ST3GAL4: variants seen among roughly 807,000 people sequenced by gnomAD.
ST3GAL4 encodes the protein ST3 beta-galactoside alpha-2,3-sialyltransferase 4, also known as CMP-N-acetylneuraminate-beta-galactosamide-alpha-2,3-sialyltransferase 4.
A neutral mutation model predicts 42.6 loss-of-function variants in ST3GAL4; 24 were observed. The ratio of observed to expected loss-of-function variants is 0.56; its 90% CI spans 0.41 to 0.79. The LOEUF is 0.79. Among genes scored for constraint, ST3GAL4 ranks in the 30% least tolerant of loss-of-function variants. The pLI, the probability that ST3GAL4 is intolerant of heterozygous loss-of-function variation, is 0.00. For synonymous variants in ST3GAL4, 135 were observed against 163.2 expected (o/e 0.83, Z 1.32); for missense variants, 311 against 430.8 (o/e 0.72, Z 2.46).
chr11:126,375,956 G>A (rs1952821466), intron 1 of ST3GAL4, among the ~76,000 whole-genome samples: 2 of 141,876 alleles, frequency 1.4e-5, no homozygotes, highest in Non-Finnish European at 1.5e-5. Context: ...TGTTTCAGTT[G>A]TTAATTCGCC....
chr11:126,407,140 G>A lies in ST3GAL4; in HGVS notation c.183-112G>A. ...CTGTGTTGGTGGACATGGGTTAGGTGAAGCCAGGGAGGGAAGAGAAGGCCT... is the reference window on the plus strand; with the variant it reads ...CTGTGTTGGTGGACATGGGTTAGGTAAAGCCAGGGAGGGAAGAGAAGGCCT... On this transcript the variant is annotated intron_variant, in intron 4 of 10. Coordinates refer to ENST00000444328, the MANE Select transcript of ST3GAL4 (RefSeq NM_001254757.2). 3 of 1,475,986 alleles carry A rather than the reference G, an allele frequency of 2.0e-6. No homozygotes were observed. In the South Asian group the frequency reaches 3.4e-5, roughly 17 times the overall value. The allele number at this position is 1,475,986 out of a possible 1,614,324, so 91.4% of individuals were successfully genotyped here.
Position 126,411,673 on chromosome 11 carries a change from T to C in ST3GAL4, c.772-1832T>C, listed in dbSNP as rs1373489255. On this transcript the variant is annotated intron_variant, in intron 9 of 10. Coordinates refer to ENST00000444328, the MANE Select transcript of ST3GAL4 (RefSeq NM_001254757.2). This position sits in a 1 kb window ranked among gnomAD's most constrained non-coding sequence, Gnocchi z 6.3. ...GGTTGAAATAATTCGGTTCCTGCGA[T>C]TGTAGAACTGAGGTCCCCATTTCCT... Among the ~76,000 whole-genome samples the C allele has an allele frequency of 6.6e-6, 1 of 152,190 alleles. No homozygotes were observed. The highest frequency in any genetic ancestry group is 2.4e-5 in the African/African-American group (1 of 41,442).
rs777477961 is a variant in ST3GAL4, at chr11:126,391,965, GTGTGTGTA to G, written c.-60-14123_-60-14116del. The stretch of plus-strand genomic sequence containing the variant: ...TGTGTGTGTGTGTGTGTGTGTGTGT[GTGTGTGTA>G]TGTGTGTGTATGTGTATATATAAAA... On this transcript the variant is annotated intron_variant, in intron 1 of 10. Coordinates refer to ENST00000444328, the MANE Select transcript of ST3GAL4 (RefSeq NM_001254757.2). This position sits in a 1 kb window ranked among gnomAD's most constrained non-coding sequence, Gnocchi z 5.5. 5.6e-3 allele frequency among the ~76,000 whole-genome samples: 849 copies of G among 150,466 alleles called. 6 individuals are homozygous for G. The highest frequency in any genetic ancestry group is 6.8e-3 in the Middle Eastern group (2 of 294).
chr11:126,407,168 T>C, intron 4 of ST3GAL4, 84 bp from the exon 5 acceptor site: 1 of 1,516,118 alleles, frequency 6.6e-7, no homozygotes, highest in South Asian at 1.1e-5. Flanking sequence ...GAAGGCCTTA[T>C]AATATTAGTC....
intron 1 of ST3GAL4, among the ~76,000 whole-genome samples, chr11:126,365,473 T>A (rs1952391267): frequency 1.3e-5 from 2 of 152,138 alleles, no homozygotes; most frequent in Non-Finnish European, 2.9e-5. Context: ...GTTGATTTAG[T>A]GTCTCTGCCC....
rs538577083 is a variant in ST3GAL4, at chr11:126,411,979, G to A, written c.772-1526G>A. 1.4e-3 allele frequency among the ~76,000 whole-genome samples: 220 copies of A among 152,274 alleles called. No homozygotes were observed. Among genetic ancestry groups the A allele is most frequent in the Non-Finnish European group, 2.6e-3 (180 of 68,026 alleles). On this transcript the variant is annotated intron_variant, in intron 9 of 10. Transcript: ENST00000444328. This position sits in a 1 kb window ranked among gnomAD's most constrained non-coding sequence, Gnocchi z 6.3. ...TCACGGGCTCCCCACACGCGCAAGGGAGGAGATTACATGAGGGTTAGCGTC... is the reference window on the plus strand; with the variant it reads ...TCACGGGCTCCCCACACGCGCAAGGAAGGAGATTACATGAGGGTTAGCGTC...
In ST3GAL4 at chr11:126,406,903, C is replaced by G. The variant is rs374284472; in HGVS notation, c.102-40C>G. On this transcript the variant is annotated intron_variant, in intron 3 of 10. Coordinates refer to ENST00000444328, the MANE Select transcript of ST3GAL4 (RefSeq NM_001254757.2). This position sits in a 1 kb window ranked among gnomAD's most constrained non-coding sequence, Gnocchi z 5.4. ...CTGCCTGGAACATGGGTCCCTGGGT[C>G]TGACTGGGGCTTCTGCCTCCTGTCC... 1.9e-6 allele frequency: 3 copies of G among 1,579,468 alleles called. No individual in the cohort carries two copies. The highest frequency in any genetic ancestry group is 2.2e-5 in the East Asian group (1 of 44,718).
intron 1 of ST3GAL4, among the ~76,000 whole-genome samples, chr11:126,390,332 T>G (rs1403318106): frequency 6.7e-6 from 1 of 150,328 alleles, no homozygotes; most frequent in Non-Finnish European, 1.5e-5. Flanking sequence ...AGTTTGTTTG[T>G]TTTTTTTTGC....
chr11:126,363,267 C>T lies in ST3GAL4; in HGVS notation c.-61+7425C>T, dbSNP rs562191441. On this transcript the variant is annotated intron_variant, in intron 1 of 10. Coordinates refer to ENST00000444328, the MANE Select transcript of ST3GAL4 (RefSeq NM_001254757.2). This position sits in a 1 kb window ranked among gnomAD's most constrained non-coding sequence, Gnocchi z 4.6. ...TTCTGTCTGCCTTCTCTTTCCACCC[C>T]TAGATTTCTCACCATCTTCAGTGAT... 2.6e-5 allele frequency among the ~76,000 whole-genome samples: 4 copies of T among 152,354 alleles called. No individual in the cohort carries two copies. Among genetic ancestry groups the T allele is most frequent in the African/African-American group, 9.6e-5 (4 of 41,588 alleles).
chr11:126,409,497 G>A lies in ST3GAL4; in HGVS notation c.771+86G>A. ...CCTATGGGCTTAGGAAGCCCTGGAAGGATCCCATAACAGAGGCGGCGGTTT... is the reference window on the plus strand; with the variant it reads ...CCTATGGGCTTAGGAAGCCCTGGAAAGATCCCATAACAGAGGCGGCGGTTT... On this transcript the variant is annotated intron_variant, in intron 9 of 10. Coordinates refer to ENST00000444328, the MANE Select transcript of ST3GAL4 (RefSeq NM_001254757.2). This position sits in a 1 kb window ranked among gnomAD's most constrained non-coding sequence, Gnocchi z 4.9. 3.8e-6 allele frequency: 6 copies of A among 1,575,244 alleles called. No homozygotes were observed. The highest frequency in any genetic ancestry group is 5.2e-6 in the Non-Finnish European group (6 of 1,152,746).
rs73632745 is a variant in ST3GAL4 at position 126,359,722 on chromosome 11, C to T, written c.-61+3880C>T. Among the ~76,000 whole-genome samples the T allele has an allele frequency of 0.16, 23,128 of 149,012 alleles. 2,804 individuals carry two copies. Among genetic ancestry groups the T allele is most frequent in the East Asian group, 0.68 (3,509 of 5,164 alleles). On this transcript the variant is annotated intron_variant, in intron 1 of 10. Coordinates refer to ENST00000444328, the MANE Select transcript of ST3GAL4 (RefSeq NM_001254757.2). The surrounding 1 kb of genome is among the most constrained non-coding windows in gnomAD (Gnocchi z 4.8). ...GGGCGGGGCGGGGCAGGACAAGGTT[C>T]TTCTCCCTCCCTCCTTCCCTCCTTC... is the stretch of plus-strand genomic sequence containing the variant.
intron 1 of ST3GAL4, among the ~76,000 whole-genome samples, chr11:126,367,743 GCT>G (rs1300797327): frequency 6.6e-6 from 1 of 152,082 alleles, no homozygotes; most frequent in Non-Finnish European, 1.5e-5. Context: ...CCATTTTTGA[GCT>G]CTCTGATCTT....
Position 126,408,123 on chromosome 11 carries a change from C to T in ST3GAL4, c.366C>T (p.Val122=), listed in dbSNP as rs988286125. The change falls in exon 7 of 11, where the codon GTC becomes GTT. Residue 122 remains valine (V), a synonymous_variant. Transcript: ENST00000444328. ...IQSLRCRRCV[V]VGNGHRLRNS... ...GCCTCAGGTGCCGCCGCTGTGTGGT[C>T]GTGGGGAACGGGCACCGGCTGCGGA... The T allele has an allele frequency of 7.4e-6, 12 of 1,613,920 alleles. No individual in the cohort carries two copies. Among genetic ancestry groups the T allele is most frequent in the East Asian group, 2.2e-5 (1 of 44,878 alleles).
chr11:126,414,098 C>A lies in ST3GAL4; in HGVS notation c.*51C>A. 1 of 1,584,636 alleles carries A rather than the reference C, an allele frequency of 6.3e-7. No homozygotes were observed. Among genetic ancestry groups the A allele is most frequent in the Non-Finnish European group, 8.7e-7 (1 of 1,153,204 alleles). The stretch of plus-strand genomic sequence containing the variant: ...GTTGCCTACTCTGCTGTCTGGGTGA[C>A]CCCCATGCGTGGCTGTGGGGGTGGC... On this transcript the variant is annotated 3_prime_UTR_variant, in exon 11 of 11. Coordinates refer to ENST00000444328, the MANE Select transcript of ST3GAL4 (RefSeq NM_001254757.2).
intron 1 of ST3GAL4, among the ~76,000 whole-genome samples, chr11:126,365,979 C>T (rs1323216293): frequency 6.6e-6 from 1 of 152,150 alleles, no homozygotes; most frequent in South Asian, 2.1e-4. Flanking sequence ...GGCTCATAGG[C>T]GTGGCTGGGT....
In ST3GAL4 at chr11:126,384,880, G is replaced by A. The variant is rs1953160857; in HGVS notation, c.-60-21216G>A. 2.0e-6 allele frequency: 2 copies of A among 985,268 alleles called. No individual in the cohort carries two copies. Among genetic ancestry groups the A allele is most frequent in the African/African-American group, 3.5e-5 (2 of 57,234 alleles). 61.0% of individuals were successfully genotyped at this position (985,268 alleles called of 1,614,324 possible). ...TGATTGTGGTAGTGGTGGGGGCAGTGGCTGAGGACCCCTCTCTTTGCTGGG... is the reference window on the plus strand; with the variant it reads ...TGATTGTGGTAGTGGTGGGGGCAGTAGCTGAGGACCCCTCTCTTTGCTGGG... On this transcript the variant is annotated intron_variant, in intron 1 of 10. Transcript: ENST00000444328. This position sits in a 1 kb window ranked among gnomAD's most constrained non-coding sequence, Gnocchi z 5.5.
chr11:126,403,310 CTTG>C (rs1291057133), intron 1 of ST3GAL4: 60 of 872,832 alleles, frequency 6.9e-5, no homozygotes, highest in Non-Finnish European at 8.2e-5. Context: ...GGCTAATTGT[CTTG>C]TTGTTCAAGA....
At position 126,363,716 on chromosome 11, in the gene ST3GAL4, GGACC is replaced by G. The variant is rs1289390007; in HGVS notation, c.-61+7875_-61+7878del. 2.6e-5 allele frequency among the ~76,000 whole-genome samples: 4 copies of G among 152,154 alleles called. No homozygotes were observed. Among genetic ancestry groups the G allele is most frequent in the Admixed American group, 6.5e-5 (1 of 15,286 alleles). On this transcript the variant is annotated intron_variant, in intron 1 of 10. Transcript: ENST00000444328. The surrounding 1 kb of genome is among the most constrained non-coding windows in gnomAD (Gnocchi z 4.6). Reference sequence around the variant, plus strand: ...GGGCTGACTAAGCTTCCCTAGCCTGGGACCTGAACCCTCCACCCTCCTCTCTCTT... The same window carrying G: ...GGGCTGACTAAGCTTCCCTAGCCTGGTGAACCCTCCACCCTCCTCTCTCTT...
At chr11:126,381,239 A>G (rs1215207934) in intron 1 of ST3GAL4, among the ~76,000 whole-genome samples, 3 of 152,132 alleles carry the variant, frequency 2.0e-5, no homozygotes, top group Non-Finnish European at 2.9e-5. Context: ...CAGCTGCCTG[A>G]GGGCCCTGGG....
Sources: allele counts gnomAD v4.1 joint callset (sites outside exome capture counted in the v4.1 genomes callset), GRCh38; gene constraint gnomAD v4.1.1; non-coding constraint Gnocchi (gnomAD v3.1); transcripts MANE v1.5; gene names NCBI Gene and HGNC (gene_info 2026-07-23, HGNC 2026-07-21).